The following CDK14 variants were observed in gnomAD, a reference collection of about 807,000 sequenced individuals.
CDK14 encodes cyclin dependent kinase 14, also known as cyclin-dependent kinase 14.
Under a neutral mutation model 60.7 loss-of-function variants are expected in CDK14, and 34 were observed. The ratio of observed to expected loss-of-function variants is 0.56; its 90% CI spans 0.43 to 0.75. CDK14 has a LOEUF of 0.75. CDK14 is among the 30% of genes least tolerant of loss of function. CDK14 has a pLI of 0.00. For synonymous variants in CDK14, 197 were observed against 203.7 expected (o/e 0.97, Z 0.28); for missense variants, 482 against 564.1 (o/e 0.85, Z 1.47).
At chr7:90,986,052 T>C (rs1795365117) in intron 10 of CDK14, among the ~76,000 whole-genome samples, 1 of 152,106 alleles carries the variant, frequency 6.6e-6, no homozygotes, top group Non-Finnish European at 1.5e-5. Flanking sequence ...CTATAGAGTT[T>C]TTCTATATGT....
chr7:90,614,290 C>T (rs749235300), intron 2 of CDK14, among the ~76,000 whole-genome samples: 4 of 152,172 alleles, frequency 2.6e-5, no homozygotes, highest in African/African-American at 2.4e-5. Context: ...CAGGCATAAG[C>T]CACCGTCCCC....
chr7:90,789,821 G>A (rs1266600189), intron 4 of CDK14, among the ~76,000 whole-genome samples: 1 of 152,100 alleles, frequency 6.6e-6, no homozygotes, highest in Admixed American at 6.5e-5. Flanking sequence ...CAGTCAAGGA[G>A]GGGACTAATA....
chr7:91,097,959 G>A lies in CDK14; in HGVS notation c.1155-14583G>A, dbSNP rs148441672. 1.7e-4 allele frequency among the ~76,000 whole-genome samples: 26 copies of A among 152,336 alleles called. No homozygotes were observed. In the East Asian group the frequency reaches 4.8e-3, roughly 28 times the overall value. ...TCATTCACCAGGTAGTTGGTTCAGT[G>A]TGCAGTTGGGAAGACACTGTGGGTT... On this transcript the variant is annotated intron_variant, in intron 12 of 14. Transcript: ENST00000380050.
intron 5 of CDK14, among the ~76,000 whole-genome samples, chr7:90,846,347 A>G (rs1790469557): frequency 6.6e-6 from 1 of 152,170 alleles, no homozygotes; most frequent in Non-Finnish European, 1.5e-5. Context: ...TGCACTTACA[A>G]AGATCTGCTG....
chr7:90,934,686 T>A (rs1432152226), intron 8 of CDK14, among the ~76,000 whole-genome samples: 1 of 152,252 alleles, frequency 6.6e-6, no homozygotes, highest in African/African-American at 2.4e-5. Context: ...ATTTTAGCTT[T>A]AAGTTATGGT....
chr7:90,839,898 C>T (rs1790232025), intron 5 of CDK14, among the ~76,000 whole-genome samples: 1 of 152,098 alleles, frequency 6.6e-6, no homozygotes, highest in South Asian at 2.1e-4. Flanking sequence ...CCTGTACTGA[C>T]AGACGGGTTT....
intron 2 of CDK14, among the ~76,000 whole-genome samples, chr7:90,656,546 A>C (rs140913495): frequency 0.048 from 7,224 of 151,970 alleles, 205 homozygotes; most frequent in Non-Finnish European, 0.055. Context: ...TGCCCGGCTA[A>C]TTTTTTTATT....
chr7:90,624,161 T>G (rs1187439861), intron 2 of CDK14, among the ~76,000 whole-genome samples: 1 of 152,132 alleles, frequency 6.6e-6, no homozygotes, highest in Non-Finnish European at 1.5e-5. Flanking sequence ...CAGGCCACAG[T>G]CTTCTGTTCT....
intron 4 of CDK14, among the ~76,000 whole-genome samples, chr7:90,787,100 C>T (rs185453318): frequency 4.6e-5 from 7 of 152,054 alleles, no homozygotes; most frequent in Non-Finnish European, 8.8e-5. Flanking sequence ...TGTTGAGACA[C>T]GTAGATAAAA....
chr7:90,834,284 G>C (rs1366856375), intron 5 of CDK14, among the ~76,000 whole-genome samples: 1 of 152,142 alleles, frequency 6.6e-6, no homozygotes, highest in Non-Finnish European at 1.5e-5. Context: ...GTGGTAGTAG[G>C]TATTATTAGA....
intron 12 of CDK14, among the ~76,000 whole-genome samples, chr7:91,080,378 A>G (rs1230858410): frequency 6.6e-6 from 1 of 152,232 alleles, no homozygotes; most frequent in Non-Finnish European, 1.5e-5. Flanking sequence ...AACTCATGAA[A>G]TGAATACATT....
chr7:90,730,161 C>G (rs1206800571), intron 3 of CDK14, among the ~76,000 whole-genome samples: 1 of 152,158 alleles, frequency 6.6e-6, no homozygotes, highest in Non-Finnish European at 1.5e-5. Context: ...CAGCTTCATC[C>G]ATGTCCGCGC....
chr7:91,173,397 C>G (rs1287746740), intron 14 of CDK14, among the ~76,000 whole-genome samples: 1 of 151,498 alleles, frequency 6.6e-6, no homozygotes, highest in Non-Finnish European at 1.5e-5. Flanking sequence ...AATTCAAGAC[C>G]AGCCTGGGCA....
intron 2 of CDK14, among the ~76,000 whole-genome samples, chr7:90,680,611 G>A (rs892192753): frequency 3.9e-5 from 6 of 152,130 alleles, no homozygotes; most frequent in Non-Finnish European, 5.9e-5. Context: ...CCCTCTGCAG[G>A]CTCTTCATAA....
At chr7:90,978,535 G>A (rs1795138829) in intron 9 of CDK14, among the ~76,000 whole-genome samples, 2 of 151,996 alleles carry the variant, frequency 1.3e-5, no homozygotes, top group Admixed American at 1.3e-4. Context: ...GTACTTCCAA[G>A]CATGATATAA....
intron 5 of CDK14, among the ~76,000 whole-genome samples, chr7:90,848,324 T>A (rs2117171205): frequency 6.6e-6 from 1 of 152,212 alleles, no homozygotes; most frequent in Non-Finnish European, 1.5e-5. Flanking sequence ...TCAAGTGATT[T>A]GCCCGCCTTG....
At chr7:90,703,794 G>GAGTA (rs1801839122) in intron 2 of CDK14, among the ~76,000 whole-genome samples, 1 of 152,126 alleles carries the variant, frequency 6.6e-6, no homozygotes, top group African/African-American at 2.4e-5. Context: ...TCATAAAAAG[G>GAGTA]AGTAGGCTGA....
At chr7:91,051,385 A>G (rs1365904120) in intron 11 of CDK14, among the ~76,000 whole-genome samples, 1 of 152,210 alleles carries the variant, frequency 6.6e-6, no homozygotes, top group African/African-American at 2.4e-5. Context: ...AATTTCTCTT[A>G]AAAGAAATGG....
At chr7:90,753,234 C>T (rs1803917684) in intron 4 of CDK14, among the ~76,000 whole-genome samples, 1 of 152,040 alleles carries the variant, frequency 6.6e-6, no homozygotes, top group South Asian at 2.1e-4. Context: ...AACAAAAATC[C>T]TAAACAAAAT....
Sources: gnomAD v4.1 joint callset for allele counts (sites outside exome capture counted in the v4.1 genomes callset) on GRCh38, gnomAD v4.1.1 for gene constraint, MANE v1.5 for transcripts, NCBI Gene and HGNC (gene_info 2026-07-23, HGNC 2026-07-21) for gene names.